Variants in NPAS3 observed in about 807,000 individuals in gnomAD.
The protein encoded by NPAS3 is neuronal PAS domain-containing protein 3.
Under a neutral mutation model 73.1 loss-of-function variants are expected in NPAS3, and 14 were observed. The observed-to-expected ratio is 0.19, with a 90% CI of 0.13 to 0.30. The LOEUF is 0.30. Among genes scored for constraint, NPAS3 ranks in the 10% least tolerant of loss-of-function variants. NPAS3 has a pLI of 1.00. For missense variants in NPAS3, 1,096 were observed against 1,250.0 expected, an observed-to-expected ratio of 0.88 and a Z score of 1.86; for synonymous variants, 620 against 541.5, an observed-to-expected ratio of 1.14 and a Z score of -2.01.
At chr14:33,681,047 T>G (rs1369820043) in intron 6 of NPAS3, 1 of 163,042 alleles carries the variant, frequency 6.1e-6, no homozygotes, top group East Asian at 1.8e-4. Flanking sequence ...AACTTATGCC[T>G]CTGTGCTATG....
chr14:33,209,745 G>A (rs1009828124), intron 2 of NPAS3, among the ~76,000 whole-genome samples: 1 of 152,166 alleles, frequency 6.6e-6, no homozygotes, highest in African/African-American at 2.4e-5. Flanking sequence ...CTTTAAAAAG[G>A]TAAAATTTAA....
At chr14:33,027,373 G>GATT (rs2039845130) in intron 1 of NPAS3, among the ~76,000 whole-genome samples, 1 of 152,130 alleles carries the variant, frequency 6.6e-6, no homozygotes, top group Non-Finnish European at 1.5e-5. Context: ...GAAAAGGCCT[G>GATT]ATTTTCCAGC....
At chr14:33,736,491 A>G (rs1353911511) in intron 7 of NPAS3, among the ~76,000 whole-genome samples, 1 of 152,154 alleles carries the variant, frequency 6.6e-6, no homozygotes, top group Non-Finnish European at 1.5e-5. Context: ...GCTCTACCCG[A>G]TAGAGGCTTC....
At chr14:33,087,976 G>A (rs1327040246) in intron 2 of NPAS3, among the ~76,000 whole-genome samples, 1 of 152,184 alleles carries the variant, frequency 6.6e-6, no homozygotes, top group Non-Finnish European at 1.5e-5. Flanking sequence ...CAAGTGAGGG[G>A]GGAGTCTAGA....
chr14:33,327,286 T>C (rs945504074), intron 3 of NPAS3, among the ~76,000 whole-genome samples: 7 of 152,264 alleles, frequency 4.6e-5, no homozygotes, highest in African/African-American at 1.7e-4. Context: ...TACGACACGC[T>C]GTGCTAAAAG....
At position 33,498,935 on chromosome 14, in the gene NPAS3, AGTGTGTGTGTGTGT is replaced by A. The variant is rs3058422; in HGVS notation, c.469-61144_469-61131del. Among the ~76,000 whole-genome samples the A allele has an allele frequency of 5.3e-4, 50 of 94,938 alleles. 1 individual carries two copies. The highest frequency in any genetic ancestry group is 1.1e-3 in the African/African-American group (26 of 24,250). 62.3% of individuals were successfully genotyped at this position (94,938 alleles called of 152,430 possible). On this transcript the variant is annotated intron_variant, in intron 4 of 11. Transcript: ENST00000356141. ...GAATGAGAGAGAGAGACAGAGAGAG[AGTGTGTGTGTGTGT>A]GTGTGTGTGTGTGTGTGTGTGTGTG... is the stretch of plus-strand genomic sequence containing the variant.
chr14:33,155,006 GTATTAT>G (rs1179071456), intron 2 of NPAS3, among the ~76,000 whole-genome samples: 4 of 152,074 alleles, frequency 2.6e-5, no homozygotes, highest in African/African-American at 9.7e-5. Flanking sequence ...CACATCACAA[GTATTAT>G]TATTAATTTT....
Position 33,199,407 on chromosome 14 carries a change from A to G in NPAS3, c.141-15775A>G, listed in dbSNP as rs80044505. Among the ~76,000 whole-genome samples, 1,043 of 152,176 alleles carry G rather than the reference A, an allele frequency of 6.9e-3. 13 individuals carry two copies. Among genetic ancestry groups the G allele is most frequent in the African/African-American group, 0.024 (1,007 of 41,510 alleles). ...AAAAATTTCCTCCTGTCCCTATTGT[A>G]TGGTTCTTCCATGTAGGCAGGATTT... is the stretch of plus-strand genomic sequence containing the variant. On this transcript the variant is annotated intron_variant, in intron 2 of 11. Transcript: ENST00000356141.
At chr14:32,964,800 C>A (rs2037081411) in intron 1 of NPAS3, among the ~76,000 whole-genome samples, 1 of 144,722 alleles carries the variant, frequency 6.9e-6, no homozygotes, top group South Asian at 2.4e-4. Context: ...CATAGCAAGA[C>A]CCCTGTCTCT....
intron 5 of NPAS3, among the ~76,000 whole-genome samples, chr14:33,580,033 T>A (rs1200633706): frequency 3.9e-5 from 6 of 152,338 alleles, no homozygotes; most frequent in Middle Eastern, 3.4e-3. Flanking sequence ...GAACATACCT[T>A]TGTTACTCAT....
intron 2 of NPAS3, among the ~76,000 whole-genome samples, chr14:33,188,087 C>T (rs145446621): frequency 1.7e-3 from 257 of 152,260 alleles, no homozygotes; most frequent in African/African-American, 5.7e-3. Flanking sequence ...AGTCTGATGC[C>T]ATGGACCATA....
chr14:33,374,315 G>T (rs7143980), intron 4 of NPAS3, among the ~76,000 whole-genome samples: 1 of 151,834 alleles, frequency 6.6e-6, no homozygotes, highest in Non-Finnish European at 1.5e-5. Flanking sequence ...TTAGAAGAAA[G>T]TCAGGTCAAG....
At chr14:33,127,705 G>A (rs569400035) in intron 2 of NPAS3, among the ~76,000 whole-genome samples, 16 of 152,246 alleles carry the variant, frequency 1.1e-4, no homozygotes, top group Non-Finnish European at 2.4e-4. Context: ...AGTTCTCATT[G>A]TATTGGTTTC....
At chr14:33,672,454 A>T (rs558130976) in intron 5 of NPAS3, among the ~76,000 whole-genome samples, 25 of 152,344 alleles carry the variant, frequency 1.6e-4, no homozygotes, top group African/African-American at 6.0e-4. Context: ...TAAACATAAT[A>T]GACTAGTCCT....
intron 7 of NPAS3, among the ~76,000 whole-genome samples, chr14:33,767,270 T>G (rs1471601141): frequency 6.6e-6 from 1 of 152,220 alleles, no homozygotes; most frequent in Non-Finnish European, 1.5e-5. Flanking sequence ...CATGAAGTAG[T>G]CTACACAAGG....
intron 2 of NPAS3, among the ~76,000 whole-genome samples, chr14:33,196,120 C>T (rs1000107006): frequency 2.6e-5 from 4 of 152,110 alleles, no homozygotes; most frequent in African/African-American, 9.7e-5. Flanking sequence ...GGTCCCATGA[C>T]TTGTAGATCG....
At chr14:33,321,877 A>G (rs1322814222) in intron 3 of NPAS3, among the ~76,000 whole-genome samples, 1 of 152,200 alleles carries the variant, frequency 6.6e-6, no homozygotes, top group Non-Finnish European at 1.5e-5. Context: ...CAACTTTGTT[A>G]CTAGTCTCAC....
At chr14:33,645,613 C>T (rs1328953994) in intron 5 of NPAS3, among the ~76,000 whole-genome samples, 2 of 152,176 alleles carry the variant, frequency 1.3e-5, no homozygotes, top group South Asian at 2.1e-4. Flanking sequence ...GCATGTGTTC[C>T]TAAGGCTTTA....
intron 4 of NPAS3, among the ~76,000 whole-genome samples, chr14:33,418,415 T>C (rs1204131444): frequency 6.6e-6 from 1 of 151,964 alleles, no homozygotes; most frequent in Non-Finnish European, 1.5e-5. Context: ...AGGCAGTGTA[T>C]TAACAACCAA....
Sources: gnomAD v4.1 joint callset for allele counts (sites outside exome capture counted in the v4.1 genomes callset) on GRCh38, gnomAD v4.1.1 for gene constraint, MANE v1.5 for transcripts, NCBI Gene and HGNC (gene_info 2026-07-23, HGNC 2026-07-21) for gene names.